The following RBFOX3 variants were observed in gnomAD, a reference collection of about 807,000 sequenced individuals.
RBFOX3 encodes the protein RNA binding fox-1 homolog 3, also known as RNA binding protein fox-1 homolog 3.
RBFOX3 carries 17 observed loss-of-function variants against 48.7 expected under a neutral mutation model. The observed-to-expected ratio is 0.35, with a 90% CI of 0.24 to 0.52. The LOEUF is 0.52. RBFOX3 is among the 20% of genes least tolerant of loss of function. The pLI, the probability that RBFOX3 is intolerant of heterozygous loss-of-function variation, is 0.94. For missense variants in RBFOX3, 382 were observed against 497.5 expected, an observed-to-expected ratio of 0.77 and a Z score of 2.21; for synonymous variants, 212 against 209.5, an observed-to-expected ratio of 1.01 and a Z score of -0.10.
In RBFOX3 at chr17:79,249,221, G is replaced by C. The variant is rs1237885688; in HGVS notation, c.-73-13416C>G. On this transcript the variant is annotated intron_variant, in intron 3 of 14. Coordinates refer to ENST00000693108, the MANE Select transcript of RBFOX3 (RefSeq NM_001350451.2). This position sits in a 1 kb window ranked among gnomAD's most constrained non-coding sequence, Gnocchi z 4.1. ...TGCTTGCTGGGGCGTCGAAAGCCAA[G>C]CGCGCTCAGGTCTTCAAAGCCACCG... Among the ~76,000 whole-genome samples, 2 of 152,146 alleles carry C rather than the reference G, an allele frequency of 1.3e-5. No individual in the cohort carries two copies. Among genetic ancestry groups the C allele is most frequent in the African/African-American group, 4.8e-5 (2 of 41,434 alleles).
intron 3 of RBFOX3, among the ~76,000 whole-genome samples, chr17:79,236,384 G>A (rs374000115): frequency 1.3e-5 from 2 of 152,090 alleles, no homozygotes; most frequent in African/African-American, 2.4e-5. Context: ...CGCCTCCTGG[G>A]TTCGAGCGAT....
chr17:79,469,898 G>A (rs556312737), intron 2 of RBFOX3, among the ~76,000 whole-genome samples: 2 of 152,284 alleles, frequency 1.3e-5, no homozygotes, highest in South Asian at 4.1e-4. Context: ...GCATGATGGA[G>A]AACGTGCATG....
At chr17:79,534,928 A>AG (rs1275348797) in intron 1 of RBFOX3, among the ~76,000 whole-genome samples, 12 of 152,118 alleles carry the variant, frequency 7.9e-5, no homozygotes, top group Admixed American at 5.2e-4. Flanking sequence ...GACAAAGACC[A>AG]GGGGGAGAAA....
intron 14 of RBFOX3, chr17:79,092,780 G>T (rs2074213367): frequency 2.7e-6 from 1 of 372,714 alleles, no homozygotes; most frequent in Non-Finnish European, 3.7e-6. Flanking sequence ...TCCTTGGGGA[G>T]AAAGGAGTTG....
rs1568168679 is a variant in RBFOX3 at position 79,391,910 on chromosome 17, GGTT to G, written c.-174-84089_-174-84087del. On this transcript the variant is annotated intron_variant, in intron 2 of 14. Coordinates refer to ENST00000693108, the MANE Select transcript of RBFOX3 (RefSeq NM_001350451.2). This position sits in a 1 kb window ranked among gnomAD's most constrained non-coding sequence, Gnocchi z 5.0. The stretch of plus-strand genomic sequence containing the variant: ...ACAAGCCCCAGGTCCCCTCCTTCCC[GGTT>G]CTGAAGCTCACAGGTCGCGGGTTTG... Among the ~76,000 whole-genome samples, 10 of 151,940 alleles carry G rather than the reference GGTT, an allele frequency of 6.6e-5. No individual in the cohort carries two copies. Among genetic ancestry groups the G allele is most frequent in the African/African-American group, 2.4e-4 (10 of 41,360 alleles).
intron 4 of RBFOX3, among the ~76,000 whole-genome samples, chr17:79,228,715 C>A (rs780218388): frequency 6.6e-6 from 1 of 152,176 alleles, no homozygotes; most frequent in South Asian, 2.1e-4. Context: ...TCAGAAATAG[C>A]CGTGAGTTTG....
Position 79,529,581 on chromosome 17 carries a change from C to A in RBFOX3, c.-319-46983G>T, listed in dbSNP as rs1392420371. Among the ~76,000 whole-genome samples, 5 of 152,258 alleles carry A rather than the reference C, an allele frequency of 3.3e-5. No homozygotes were observed. In the East Asian group the frequency reaches 7.7e-4, roughly 24 times the overall value. ...TCCTGCAGTGAGGAGGCATGAGGGG[C>A]CCTGCCGAGGCCCCAAGAGGGAAGA... is the stretch of plus-strand genomic sequence containing the variant. On this transcript the variant is annotated intron_variant, in intron 1 of 14. Coordinates refer to ENST00000693108, the MANE Select transcript of RBFOX3 (RefSeq NM_001350451.2).
chr17:79,605,280 T>G (rs2093800746), intron 1 of RBFOX3, among the ~76,000 whole-genome samples: 1 of 152,216 alleles, frequency 6.6e-6, no homozygotes, highest in Admixed American at 6.5e-5. Flanking sequence ...ATACATGTTA[T>G]GATCTCAACT....
the RBFOX3 span, among the ~76,000 whole-genome samples, chr17:79,663,449 T>G: frequency 6.6e-6 from 1 of 152,198 alleles, no homozygotes; most frequent in Non-Finnish European, 1.5e-5. Context: ...GAGGCTGTTC[T>G]CCTCCCAAGT....
chr17:79,274,182 C>T (rs1443704273), intron 3 of RBFOX3, among the ~76,000 whole-genome samples: 1 of 152,178 alleles, frequency 6.6e-6, no homozygotes, highest in Non-Finnish European at 1.5e-5. Context: ...ACTGGTACCC[C>T]TCCTACAATT....
chr17:79,277,477 A>G (rs897588), intron 3 of RBFOX3, among the ~76,000 whole-genome samples: 93,473 of 152,130 alleles, frequency 0.61, 29,239 homozygotes, highest in East Asian at 0.78. Flanking sequence ...ACTAATTTAA[A>G]GACCAGAAGA....
At chr17:79,309,734 A>T (rs1228027471) in intron 2 of RBFOX3, among the ~76,000 whole-genome samples, 2 of 152,052 alleles carry the variant, frequency 1.3e-5, no homozygotes, top group African/African-American at 4.8e-5. Context: ...AGTTTCCCCC[A>T]TGCTGTTCTT....
chr17:79,641,846 G>A, the RBFOX3 span, among the ~76,000 whole-genome samples: 9 of 152,248 alleles, frequency 5.9e-5, no homozygotes, highest in Middle Eastern at 0.01. Context: ...AGACCTGGTT[G>A]TTTAAAAATG....
At chr17:79,350,852 A>G (rs1598352007) in intron 2 of RBFOX3, among the ~76,000 whole-genome samples, 1 of 150,986 alleles carries the variant, frequency 6.6e-6, no homozygotes, top group East Asian at 2.0e-4. Flanking sequence ...CCCCATGGCG[A>G]CTCTCCCACC....
In RBFOX3 at chr17:79,090,693, C is replaced by A; in HGVS notation, c.*190G>T. The A allele has an allele frequency of 1.4e-6, 1 of 703,004 alleles. No homozygotes were observed. The allele number at this position is 703,004 out of a possible 1,614,324, so 43.5% of individuals were successfully genotyped here. On this transcript the variant is annotated 3_prime_UTR_variant, in exon 15 of 15. Coordinates refer to ENST00000693108, the MANE Select transcript of RBFOX3 (RefSeq NM_001350451.2). ...TGGGGCCGCTCCTCGGCGCCCCTGC[C>A]GGCGTGCTCCCTCGGTGCGGGCGTG...
rs184914046 is a variant in RBFOX3, at chr17:79,392,682, A to G, written c.-174-84858T>C. On this transcript the variant is annotated intron_variant, in intron 2 of 14. Transcript: ENST00000693108. The surrounding 1 kb of genome is among the most constrained non-coding windows in gnomAD (Gnocchi z 5.0). ...CCTCTCTTCCCGATATCTGGCAAGC[A>G]TCGGGCAGTGGCTCTATGAGCTTGG... is the stretch of plus-strand genomic sequence containing the variant. 1.8e-3 allele frequency among the ~76,000 whole-genome samples: 269 copies of G among 152,308 alleles called. No homozygotes were observed. Among genetic ancestry groups the G allele is most frequent in the African/African-American group, 5.8e-3 (243 of 41,578 alleles).
chr17:79,479,334 G>A lies in RBFOX3; in HGVS notation c.-175+3120C>T, dbSNP rs941003386. On this transcript the variant is annotated intron_variant, in intron 2 of 14. Transcript: ENST00000693108. The surrounding 1 kb of genome is among the most constrained non-coding windows in gnomAD (Gnocchi z 5.1). Reference sequence around the variant, plus strand: ...CAGGCACACCTGACCTCAGATGTGTGTACATGGCCCTCTTCCTTCAGACAC... The same window carrying A: ...CAGGCACACCTGACCTCAGATGTGTATACATGGCCCTCTTCCTTCAGACAC... Among the ~76,000 whole-genome samples, 8 of 152,176 alleles carry A rather than the reference G, an allele frequency of 5.3e-5. No homozygotes were observed. The highest frequency in any genetic ancestry group is 2.1e-4 in the South Asian group (1 of 4,826).
chr17:79,529,391 C>T (rs1555786741), intron 1 of RBFOX3, among the ~76,000 whole-genome samples: 1 of 152,192 alleles, frequency 6.6e-6, no homozygotes, highest in Non-Finnish European at 1.5e-5. Flanking sequence ...AGAACTGTCC[C>T]TTCTAGTCCT....
intron 2 of RBFOX3, among the ~76,000 whole-genome samples, chr17:79,437,074 A>G (rs958919337): frequency 2.6e-5 from 4 of 152,026 alleles, no homozygotes; most frequent in African/African-American, 7.2e-5. Flanking sequence ...CCCTTCTCCA[A>G]CAGGGACCTT....
Sources: gnomAD v4.1 joint callset for allele counts (sites outside exome capture counted in the v4.1 genomes callset) on GRCh38, gnomAD v4.1.1 for gene constraint, Gnocchi (gnomAD v3.1) non-coding constraint, MANE v1.5 for transcripts, NCBI Gene and HGNC (gene_info 2026-07-23, HGNC 2026-07-21) for gene names.